Variants in TRDN observed in about 807,000 individuals in gnomAD.
The protein encoded by TRDN is triadin.
Under a neutral mutation model 149.7 loss-of-function variants are expected in TRDN, and 161 were observed. That is an observed-to-expected ratio of 1.08 (90% CI 0.95 to 1.23). The LOEUF (loss-of-function observed/expected upper bound fraction) is 1.23, where lower values mean the gene tolerates loss of function less well. TRDN is among the 50% of genes most tolerant of loss of function. TRDN has a pLI of 0.00. For synonymous variants in TRDN, 294 were observed against 250.5 expected (o/e 1.17, Z -1.64); for missense variants, 896 against 823.5 (o/e 1.09, Z -1.08).
chr6:123,406,397 C>A, intron 12 of TRDN, among the ~76,000 whole-genome samples: 1 of 152,096 alleles, frequency 6.6e-6, no homozygotes, highest in Non-Finnish European at 1.5e-5. Flanking sequence ...GTAAGATAGG[C>A]CACTAGGCCT....
At chr6:123,267,604 C>A in intron 32 of TRDN, 103 bp downstream of exon 32, 1 of 753,572 alleles carries the variant, frequency 1.3e-6, no homozygotes, top group South Asian at 2.6e-5. Flanking sequence ...CAACACATTA[C>A]CAGGAAACAC....
intron 7 of TRDN, among the ~76,000 whole-genome samples, chr6:123,511,980 G>A (rs1454999851): frequency 7.5e-6 from 1 of 133,074 alleles, no homozygotes; most frequent in Admixed American, 9.0e-5. Flanking sequence ...AATCTTCACT[G>A]CCTCTGCAAT....
Position 123,255,850 on chromosome 6 carries a change from T to C in TRDN, c.1906+17A>G. 7.5e-7 allele frequency: 1 copy of C among 1,332,404 alleles called. No individual in the cohort carries two copies. The highest frequency in any genetic ancestry group is 1.8e-5 in the South Asian group (1 of 56,684). The allele number at this position is 1,332,404 out of a possible 1,614,324, so 82.5% of individuals were successfully genotyped here. A position where few individuals can be genotyped will look rare whatever the true frequency, so the allele number is the denominator to read the frequency against. ...TCAGGGCTTTGCATTCTATTTTTTATTCTTTTAAAAAATTACCTTTTTCTT... is the reference window on the plus strand; with the variant it reads ...TCAGGGCTTTGCATTCTATTTTTTACTCTTTTAAAAAATTACCTTTTTCTT... On this transcript the variant is annotated intron_variant, in intron 36 of 40. Coordinates refer to ENST00000334268, the MANE Select transcript of TRDN (RefSeq NM_006073.4).
At chr6:123,399,562 A>AT (rs749415211) in intron 12 of TRDN, among the ~76,000 whole-genome samples, 15 of 152,190 alleles carry the variant, frequency 9.9e-5, no homozygotes, top group Non-Finnish European at 2.2e-4. Context: ...ATGCAATACC[A>AT]TGGAAGATAT....
intron 29 of TRDN, among the ~76,000 whole-genome samples, chr6:123,271,449 T>G (rs1477887648): frequency 6.6e-6 from 1 of 151,924 alleles, no homozygotes; most frequent in Non-Finnish European, 1.5e-5. Context: ...TGAGCCCTAT[T>G]TTTTGCCTTC....
chr6:123,419,509 G>A (rs930006937), intron 12 of TRDN, among the ~76,000 whole-genome samples: 2 of 152,074 alleles, frequency 1.3e-5, no homozygotes, highest in African/African-American at 4.8e-5. Flanking sequence ...AAGTAGCTAG[G>A]ACTACAGGCA....
intron 24 of TRDN, among the ~76,000 whole-genome samples, chr6:123,286,926 G>T (rs1012775556): frequency 6.6e-6 from 1 of 152,070 alleles, no homozygotes; most frequent in African/African-American, 2.4e-5. Flanking sequence ...AAACTCTGGA[G>T]GTGGGGCCCA....
intron 9 of TRDN, among the ~76,000 whole-genome samples, chr6:123,491,762 C>G (rs1057286708): frequency 6.6e-6 from 1 of 152,110 alleles, no homozygotes; most frequent in Non-Finnish European, 1.5e-5. Flanking sequence ...ATTCCCGAAA[C>G]TTTTGTTGTG....
At chr6:123,418,136 A>G (rs570065056) in intron 12 of TRDN, among the ~76,000 whole-genome samples, 1 of 152,188 alleles carries the variant, frequency 6.6e-6, no homozygotes, top group Non-Finnish European at 1.5e-5. Flanking sequence ...GTAGCTTGTC[A>G]TAATAGGTAG....
chr6:123,230,945 G>A (rs1378878116), intron 38 of TRDN, among the ~76,000 whole-genome samples: 2 of 151,940 alleles, frequency 1.3e-5, no homozygotes, highest in African/African-American at 2.4e-5. Flanking sequence ...TTTTACACAT[G>A]TGTTTTAACC....
intron 6 of TRDN, among the ~76,000 whole-genome samples, chr6:123,515,643 T>C (rs1207059120): frequency 2.0e-5 from 3 of 151,786 alleles, no homozygotes; most frequent in African/African-American, 7.3e-5. Flanking sequence ...CTACTGTATG[T>C]GGGTTTGGCA....
At position 123,331,878 on chromosome 6, in the gene TRDN, C is replaced by A; in HGVS notation, c.1471+1G>T. On this transcript the variant is annotated splice_donor_variant, in intron 23 of 40. Transcript: ENST00000334268. LOFTEE classifies it high-confidence loss of function. ...CTTCACATTTCATTGTATAATATTA[C>A]CTTTTTCCTTTAGGGAAGCTGGAAC... is the stretch of plus-strand genomic sequence containing the variant. 3 of 1,538,282 alleles carry A rather than the reference C, an allele frequency of 2.0e-6. No homozygotes were observed. Among genetic ancestry groups the A allele is most frequent in the Non-Finnish European group, 8.8e-7 (1 of 1,138,490 alleles).
intron 39 of TRDN, among the ~76,000 whole-genome samples, chr6:123,221,966 T>C (rs922769613): frequency 1.3e-5 from 2 of 151,760 alleles, no homozygotes; most frequent in East Asian, 1.9e-4. Context: ...GCCATGAAAG[T>C]AGAGCAGCAG....
At chr6:123,402,571 C>G (rs903327981) in intron 12 of TRDN, among the ~76,000 whole-genome samples, 1 of 152,070 alleles carries the variant, frequency 6.6e-6, no homozygotes, top group African/African-American at 2.4e-5. Flanking sequence ...GAAATCTCAG[C>G]AAATAAGATA....
chr6:123,463,571 T>G (rs1171305282), intron 10 of TRDN, among the ~76,000 whole-genome samples: 1 of 151,834 alleles, frequency 6.6e-6, no homozygotes, highest in African/African-American at 2.4e-5. Context: ...CTGAATTCGT[T>G]GCTTTATGTC....
intron 20 of TRDN, among the ~76,000 whole-genome samples, chr6:123,363,305 C>T (rs971664180): frequency 2.6e-5 from 4 of 152,056 alleles, no homozygotes; most frequent in Non-Finnish European, 5.9e-5. Flanking sequence ...ATGATGAGAA[C>T]AATATATTTT....
intron 5 of TRDN, among the ~76,000 whole-genome samples, chr6:123,519,169 C>G (rs1421173345): frequency 6.6e-6 from 1 of 152,124 alleles, no homozygotes. Context: ...TTACAAGAAA[C>G]AAAAGTCCCT....
chr6:123,618,439 C>T (rs1345928249), intron 1 of TRDN, among the ~76,000 whole-genome samples: 3 of 152,104 alleles, frequency 2.0e-5, no homozygotes, highest in South Asian at 2.1e-4. Context: ...TGAGGACTTC[C>T]GTGATTTTAT....
chr6:123,536,180 A>C (rs1176586027), intron 4 of TRDN, among the ~76,000 whole-genome samples: 3 of 152,122 alleles, frequency 2.0e-5, no homozygotes, highest in Non-Finnish European at 4.4e-5. Flanking sequence ...TATTATTATT[A>C]TTTGTCTCTC....
Sources: allele counts gnomAD v4.1 joint callset (sites outside exome capture counted in the v4.1 genomes callset), GRCh38; gene constraint gnomAD v4.1.1; transcripts MANE v1.5; gene names NCBI Gene and HGNC (gene_info 2026-07-23, HGNC 2026-07-21).